KCNAB1: variants seen among roughly 807,000 people sequenced by gnomAD.
KCNAB1 encodes potassium voltage-gated channel subfamily A regulatory beta subunit 1.
A neutral mutation model predicts 64.6 loss-of-function variants in KCNAB1; 35 were observed. That is an observed-to-expected ratio of 0.54 (90% CI 0.41 to 0.72). The LOEUF is 0.72. Ranked by LOEUF, KCNAB1 falls within the 30% of genes least tolerant of loss-of-function variation. KCNAB1 has a pLI of 0.00. For synonymous variants in KCNAB1, 177 were observed against 183.8 expected (o/e 0.96, Z 0.30); for missense variants, 401 against 512.9 (o/e 0.78, Z 2.11).
At position 156,146,204 on chromosome 3, in the gene KCNAB1, G is replaced by A. The variant is rs1026494193; in HGVS notation, c.275+25318G>A. Among the ~76,000 whole-genome samples, 9 of 152,180 alleles carry A rather than the reference G, an allele frequency of 5.9e-5. No individual in the cohort carries two copies. In the South Asian group the frequency reaches 1.0e-3, roughly 18 times the overall value. Reference sequence around the variant, plus strand: ...ATGCATCAATTGAAAAGAAACTGGAGGACATTGAATGTGGTGTAAAAAGTG... The same window carrying A: ...ATGCATCAATTGAAAAGAAACTGGAAGACATTGAATGTGGTGTAAAAAGTG... On this transcript the variant is annotated intron_variant, in intron 1 of 13. Coordinates refer to ENST00000490337, the MANE Select transcript of KCNAB1 (RefSeq NM_172160.3).
chr3:156,461,036 A>G (rs113180382), intron 5 of KCNAB1, among the ~76,000 whole-genome samples: 3 of 152,212 alleles, frequency 2.0e-5, no homozygotes. Flanking sequence ...TAAGGATGTT[A>G]ATAGAAAACT....
At chr3:156,340,580 G>T (rs1424508353) in intron 1 of KCNAB1, among the ~76,000 whole-genome samples, 5 of 152,162 alleles carry the variant, frequency 3.3e-5, no homozygotes, top group African/African-American at 9.6e-5. Flanking sequence ...ACCCATCTTG[G>T]TTAGTGCTGC....
At chr3:156,142,931 GA>G (rs1714785792) in intron 1 of KCNAB1, 1 of 1,113,118 alleles carries the variant, frequency 9.0e-7, no homozygotes, top group African/African-American at 1.6e-5. Flanking sequence ...AAAGGGATGA[GA>G]AAAGTGATTG....
chr3:156,416,363 C>T (rs1252642172), intron 1 of KCNAB1, among the ~76,000 whole-genome samples: 4 of 152,176 alleles, frequency 2.6e-5, no homozygotes, highest in Admixed American at 6.5e-5. Context: ...TTGCCTAGAA[C>T]GTATTTCAGT....
chr3:156,446,183 C>T (rs1019918663), intron 2 of KCNAB1: 1 of 152,152 alleles, frequency 6.6e-6, no homozygotes, highest in African/African-American at 2.4e-5. Context: ...CAAAGGAGAA[C>T]ATGCTCACCA....
chr3:156,382,951 A>G (rs1175074082), intron 1 of KCNAB1, among the ~76,000 whole-genome samples: 1 of 152,264 alleles, frequency 6.6e-6, no homozygotes, highest in Non-Finnish European at 1.5e-5. Flanking sequence ...ATTTGTACAC[A>G]GTCAGCCTGA....
At chr3:156,400,037 C>A (rs1167817793) in intron 1 of KCNAB1, among the ~76,000 whole-genome samples, 2 of 152,144 alleles carry the variant, frequency 1.3e-5, no homozygotes, top group Non-Finnish European at 2.9e-5. Flanking sequence ...CGGTTCTAAA[C>A]ACCTGAGAGT....
rs146267324 is a variant in KCNAB1, at chr3:156,487,515, A to G, written c.658+12695A>G. ...GAAAGCGTGTGTTGTGTCTAGCTCC[A>G]GTGAAGCCAATCATACAAAATTGCT... On this transcript the variant is annotated intron_variant, in intron 8 of 13. Coordinates refer to ENST00000490337, the MANE Select transcript of KCNAB1 (RefSeq NM_172160.3). Among the ~76,000 whole-genome samples, 589 of 152,296 alleles carry G rather than the reference A, an allele frequency of 3.9e-3. 3 individuals carry two copies. The highest frequency in any genetic ancestry group is 0.01 in the Middle Eastern group (3 of 294).
chr3:156,523,663 C>T lies in KCNAB1; in HGVS notation c.961-164C>T, dbSNP rs1050722748. 21 of 669,016 alleles carry T rather than the reference C, an allele frequency of 3.1e-5. No homozygotes were observed. The Admixed American group carries it at 4.5e-4, about 14-fold the overall frequency. The allele number at this position is 669,016 out of a possible 1,614,324, so 41.4% of individuals were successfully genotyped here. ...TGAACCAATAAACAAGGAGCAAGAT[C>T]GTGAGGAACATTTCTTTGCATGAAA... On this transcript the variant is annotated intron_variant, in intron 11 of 13. Coordinates refer to ENST00000490337, the MANE Select transcript of KCNAB1 (RefSeq NM_172160.3).
At chr3:156,431,276 T>C (rs1454361949) in intron 2 of KCNAB1, among the ~76,000 whole-genome samples, 2 of 152,248 alleles carry the variant, frequency 1.3e-5, no homozygotes, top group Non-Finnish European at 2.9e-5. Flanking sequence ...CGGGTTTGCC[T>C]GTGCATTCTA....
At chr3:156,337,575 CAG>C (rs1446498089) in intron 1 of KCNAB1, among the ~76,000 whole-genome samples, 1 of 152,190 alleles carries the variant, frequency 6.6e-6, no homozygotes, top group African/African-American at 2.4e-5. Flanking sequence ...TACATCCATT[CAG>C]AGTGTGAAAG....
intron 8 of KCNAB1, among the ~76,000 whole-genome samples, chr3:156,504,141 A>G (rs1576949965): frequency 6.6e-6 from 1 of 152,136 alleles, no homozygotes; most frequent in African/African-American, 2.4e-5. Flanking sequence ...GCTTCCACAT[A>G]TGAGTGAGAT....
intron 1 of KCNAB1, among the ~76,000 whole-genome samples, chr3:156,313,056 C>T (rs1722032744): frequency 6.6e-6 from 1 of 152,188 alleles, no homozygotes; most frequent in Admixed American, 6.5e-5. Context: ...ATTTCTGTTT[C>T]TTAGGAGGTA....
intron 1 of KCNAB1, chr3:156,273,825 C>T (rs1347865410): frequency 2.2e-5 from 8 of 362,986 alleles, no homozygotes; most frequent in South Asian, 1.5e-4. Context: ...TCTTTTCTGA[C>T]ATCACTGTAG....
chr3:156,310,516 C>T (rs2108005052), intron 1 of KCNAB1, among the ~76,000 whole-genome samples: 1 of 152,212 alleles, frequency 6.6e-6, no homozygotes, highest in East Asian at 1.9e-4. Context: ...AAGCTATCAG[C>T]TTACCTGCTG....
intron 1 of KCNAB1, among the ~76,000 whole-genome samples, chr3:156,185,236 T>C (rs958620850): frequency 6.6e-6 from 1 of 152,160 alleles, no homozygotes; most frequent in African/African-American, 2.4e-5. Flanking sequence ...CTGAGCATCT[T>C]CTATGGTTCC....
chr3:156,324,889 C>A lies in KCNAB1; in HGVS notation c.276-96727C>A, dbSNP rs113990698. Among the ~76,000 whole-genome samples, 470 of 152,158 alleles carry A rather than the reference C, an allele frequency of 3.1e-3. 4 individuals are homozygous for A. The highest frequency in any genetic ancestry group is 0.011 in the African/African-American group (440 of 41,502). On this transcript the variant is annotated intron_variant, in intron 1 of 13. Coordinates refer to ENST00000490337, the MANE Select transcript of KCNAB1 (RefSeq NM_172160.3). ...ACAGGGGAGCTCCTTTTCTTATTAACCCCACTAGAATCATAGGTTTTCTTC... is the reference window on the plus strand; with the variant it reads ...ACAGGGGAGCTCCTTTTCTTATTAAACCCACTAGAATCATAGGTTTTCTTC...
intron 1 of KCNAB1, among the ~76,000 whole-genome samples, chr3:156,162,075 A>G (rs896153321): frequency 1.3e-5 from 2 of 152,172 alleles, no homozygotes; most frequent in Admixed American, 6.5e-5. Flanking sequence ...ACAAGACTTT[A>G]GAATAAACAT....
intron 1 of KCNAB1, among the ~76,000 whole-genome samples, chr3:156,347,605 A>T (rs1201944453): frequency 6.6e-6 from 1 of 152,218 alleles, no homozygotes; most frequent in Non-Finnish European, 1.5e-5. Flanking sequence ...TGCCCCTGAG[A>T]AAATACATCC....
Sources: allele counts gnomAD v4.1 joint callset (sites outside exome capture counted in the v4.1 genomes callset), GRCh38; gene constraint gnomAD v4.1.1; transcripts MANE v1.5; gene names NCBI Gene and HGNC (gene_info 2026-07-23, HGNC 2026-07-21).